SDK1: variants seen among roughly 807,000 people sequenced by gnomAD.
SDK1 encodes the protein protein sidekick-1.
In SDK1, 157 loss-of-function variants were observed where a neutral mutation model predicts 245.5. The observed-to-expected ratio is 0.64, with a 90% CI of 0.56 to 0.73. The LOEUF is 0.73. Among genes scored for constraint, SDK1 ranks in the 30% least tolerant of loss-of-function variants. SDK1 has a pLI of 0.00. For synonymous variants in SDK1, 1,647 were observed against 1,278.5 expected, an observed-to-expected ratio of 1.29 and a Z score of -6.15; for missense variants, 3,583 against 3,002.3, an observed-to-expected ratio of 1.19 and a Z score of -4.52.
At chr7:3,561,436 C>T (rs1215626003) in intron 1 of SDK1, among the ~76,000 whole-genome samples, 3 of 152,076 alleles carry the variant, frequency 2.0e-5, no homozygotes, top group Non-Finnish European at 2.9e-5. Flanking sequence ...TGTGTTTCTA[C>T]GTGTTAGACT....
At chr7:3,748,529 A>C (rs914222971) in intron 4 of SDK1, among the ~76,000 whole-genome samples, 1 of 152,202 alleles carries the variant, frequency 6.6e-6, no homozygotes, top group Non-Finnish European at 1.5e-5. Context: ...GTTTCCATTA[A>C]GGACCCTTAA....
chr7:3,861,921 A>G (rs550362507), intron 5 of SDK1, among the ~76,000 whole-genome samples: 2 of 152,270 alleles, frequency 1.3e-5, no homozygotes, highest in Admixed American at 6.5e-5. Context: ...GAGCTGTGGC[A>G]CTCCGGAGCT....
intron 16 of SDK1, among the ~76,000 whole-genome samples, chr7:4,013,279 G>T (rs1786131347): frequency 6.6e-6 from 1 of 152,226 alleles, no homozygotes; most frequent in African/African-American, 2.4e-5. Flanking sequence ...AAATTGCACT[G>T]AACGCGATCA....
chr7:4,205,748 C>T, intron 35 of SDK1, 131 bp from the exon 36 acceptor site: 1 of 753,076 alleles, frequency 1.3e-6, no homozygotes, highest in South Asian at 1.7e-5. Flanking sequence ...AGGGCGACGG[C>T]CCAGGGAAGA....
At chr7:3,993,678 T>A (rs145923514) in intron 14 of SDK1, among the ~76,000 whole-genome samples, 1 of 152,308 alleles carries the variant, frequency 6.6e-6, no homozygotes, top group African/African-American at 2.4e-5. Context: ...CCCAAGCCCT[T>A]GGTCCCTCCT....
intron 4 of SDK1, among the ~76,000 whole-genome samples, chr7:3,691,820 A>G (rs1739594391): frequency 6.6e-6 from 1 of 152,194 alleles, no homozygotes; most frequent in Admixed American, 6.5e-5. Flanking sequence ...CTACTTACTC[A>G]TTCAGACAGC....
chr7:4,247,838 C>G (rs1786994938), intron 44 of SDK1, among the ~76,000 whole-genome samples: 1 of 152,128 alleles, frequency 6.6e-6, no homozygotes, highest in Non-Finnish European at 1.5e-5. Flanking sequence ...GAAGCTGACA[C>G]CCAGCCAGAC....
rs539562587 is a variant in SDK1, at chr7:4,265,015, C to T, written c.6382-109C>T. On this transcript the variant is annotated intron_variant, in intron 44 of 44. Transcript: ENST00000404826. ...TTGGGGTGGGGAGAGGGCTGGAGAC[C>T]GCGACACACGCCCCTGGGGAGGTGC... is the stretch of plus-strand genomic sequence containing the variant. 9.4e-5 allele frequency: 139 copies of T among 1,483,054 alleles called. 1 individual carries two copies. The South Asian group carries it at 1.6e-3, about 17-fold the overall frequency. The allele number at this position is 1,483,054 out of a possible 1,614,324, so 91.9% of individuals were successfully genotyped here.
At position 4,206,652 on chromosome 7, in the gene SDK1, G is replaced by A. The variant is rs77471237; in HGVS notation, c.5214+658G>A. Among the ~76,000 whole-genome samples, 762 of 152,138 alleles carry A rather than the reference G, an allele frequency of 5.0e-3. 8 individuals are homozygous for A. The highest frequency in any genetic ancestry group is 0.017 in the African/African-American group (723 of 41,516). ...TTATGTGGGGCTGGGTTATCCATGGGGCGGGAAGCACCTCTCCACGTCCCA... is the reference window on the plus strand; with the variant it reads ...TTATGTGGGGCTGGGTTATCCATGGAGCGGGAAGCACCTCTCCACGTCCCA... On this transcript the variant is annotated intron_variant, in intron 36 of 44. Coordinates refer to ENST00000404826, the MANE Select transcript of SDK1 (RefSeq NM_152744.4).
At chr7:4,190,089 C>T (rs142211547) in intron 35 of SDK1, among the ~76,000 whole-genome samples, 5 of 152,250 alleles carry the variant, frequency 3.3e-5, no homozygotes, top group Admixed American at 6.5e-5. Context: ...GCTTCAGTGA[C>T]GCCAGTTTGA....
intron 5 of SDK1, among the ~76,000 whole-genome samples, chr7:3,934,927 C>T (rs1780103067): frequency 6.6e-6 from 1 of 152,184 alleles, no homozygotes; most frequent in African/African-American, 2.4e-5. Context: ...CCGAGGCAAC[C>T]CCAGGGAGAC....
chr7:3,817,033 C>A (rs1223682985), intron 4 of SDK1, among the ~76,000 whole-genome samples: 1 of 152,146 alleles, frequency 6.6e-6, no homozygotes, highest in Non-Finnish European at 1.5e-5. Flanking sequence ...TATTATTTTA[C>A]TAAACATTTT....
At chr7:3,427,955 T>G (rs1257351233) in intron 1 of SDK1, among the ~76,000 whole-genome samples, 2 of 152,190 alleles carry the variant, frequency 1.3e-5, no homozygotes, top group Non-Finnish European at 2.9e-5. Flanking sequence ...TCTCTAAACG[T>G]CGTTTATGTT....
At chr7:3,962,960 C>T in intron 9 of SDK1, 109 bp downstream of exon 9, 1 of 512,640 alleles carries the variant, frequency 2.0e-6, no homozygotes. Context: ...CTCACAGCTA[C>T]CTGACCTGGA....
intron 1 of SDK1, among the ~76,000 whole-genome samples, chr7:3,542,537 A>T (rs978999598): frequency 6.6e-6 from 1 of 152,214 alleles, no homozygotes; most frequent in Non-Finnish European, 1.5e-5. Context: ...TGCCTGGCCT[A>T]TGGTAGGTTA....
intron 34 of SDK1, among the ~76,000 whole-genome samples, chr7:4,176,536 C>T (rs1424387925): frequency 6.6e-6 from 1 of 152,146 alleles, no homozygotes; most frequent in African/African-American, 2.4e-5. Flanking sequence ...TTTAGGTGTA[C>T]AGTTCAGTGG....
chr7:3,563,085 A>G (rs1779800997), intron 1 of SDK1, among the ~76,000 whole-genome samples: 1 of 152,224 alleles, frequency 6.6e-6, no homozygotes, highest in Admixed American at 6.5e-5. Flanking sequence ...GGATGAAGAA[A>G]CATACAGATG....
intron 1 of SDK1, among the ~76,000 whole-genome samples, chr7:3,433,851 G>A (rs190393630): frequency 6.6e-6 from 1 of 152,170 alleles, no homozygotes; most frequent in Admixed American, 6.5e-5. Flanking sequence ...TACAAGCCGT[G>A]GTTGACTTCA....
intron 4 of SDK1, among the ~76,000 whole-genome samples, chr7:3,660,486 AAG>A (rs1554304433): frequency 7.2e-5 from 11 of 151,778 alleles, no homozygotes; most frequent in African/African-American, 2.7e-4. Flanking sequence ...GAGAGAGAGA[AAG>A]AGAGAGAGAG....
Sources: allele counts gnomAD v4.1 joint callset (sites outside exome capture counted in the v4.1 genomes callset), GRCh38; gene constraint gnomAD v4.1.1; transcripts MANE v1.5; gene names NCBI Gene and HGNC (gene_info 2026-07-23, HGNC 2026-07-21).